LOXL2: variants seen among roughly 807,000 people sequenced by gnomAD.
LOXL2 encodes the protein lysyl oxidase like 2, also known as lysyl oxidase homolog 2.
Under a neutral mutation model 93.0 loss-of-function variants are expected in LOXL2, and 70 were observed. The ratio of observed to expected loss-of-function variants is 0.75; its 90% CI spans 0.62 to 0.92. The LOEUF is 0.92. Among genes scored for constraint, LOXL2 ranks in the 40% least tolerant of loss-of-function variants. LOXL2 has a pLI of 0.00. For missense variants in LOXL2, 973 were observed against 1,054.9 expected (o/e 0.92, Z 1.08); for synonymous variants, 438 against 413.2 (o/e 1.06, Z -0.73).
At chr8:23,304,171 G>A (rs920095577) in intron 10 of LOXL2, among the ~76,000 whole-genome samples, 1 of 152,270 alleles carries the variant, frequency 6.6e-6, no homozygotes, top group African/African-American at 2.4e-5. Flanking sequence ...TTCCAGAAAA[G>A]AGTTCTGCAG....
rs760822720 is a variant in LOXL2 at position 23,333,481 on chromosome 8, G to A, written c.886C>T (p.Pro296Ser). Residue 296 changes from proline to serine, a missense_variant, in exon 5 of 14, where the codon CCG becomes TCG. Coordinates refer to ENST00000389131, the MANE Select transcript of LOXL2 (RefSeq NM_002318.3). ...CCAGGCACACAACTCACCACGGCCG[G>A]TAGCCCATTCTCGCAGGTGACATTC... ...MKNVTCENGL[P>S]AVVSCVPGQV... 1.2e-6 allele frequency: 2 copies of A among 1,614,004 alleles called. No individual in the cohort carries two copies. The highest frequency in any genetic ancestry group is 1.6e-4 in the Middle Eastern group (1 of 6,062).
chr8:23,332,190 A>ACACACC (rs1190755792), intron 5 of LOXL2, among the ~76,000 whole-genome samples: 26 of 141,952 alleles, frequency 1.8e-4, no homozygotes, highest in Non-Finnish European at 2.6e-4. Flanking sequence ...ACACACACAC[A>ACACACC]CACCCCACAC....
At chr8:23,326,850 G>A (rs1311856143) in intron 6 of LOXL2, among the ~76,000 whole-genome samples, 4 of 152,212 alleles carry the variant, frequency 2.6e-5, no homozygotes, top group African/African-American at 9.7e-5. Context: ...GACTCAGAGT[G>A]CACCCCAGAC....
intron 2 of LOXL2, among the ~76,000 whole-genome samples, chr8:23,366,528 A>G (rs6557660): frequency 0.73 from 111,882 of 152,260 alleles, 42,124 homozygotes; most frequent in African/African-American, 0.89. Context: ...CACTTTGCAG[A>G]CTTCCAAAAG....
At chr8:23,355,201 TC>T (rs1487330380) in intron 3 of LOXL2, among the ~76,000 whole-genome samples, 1 of 151,800 alleles carries the variant, frequency 6.6e-6, no homozygotes, top group African/African-American at 2.4e-5. Flanking sequence ...TGCCTCGGCC[TC>T]CCAAAGTGCT....
intron 3 of LOXL2, among the ~76,000 whole-genome samples, chr8:23,354,588 C>CTGTGTGTGTGTGTGTGTG (rs35274565): frequency 0.023 from 3,534 of 150,866 alleles, 80 homozygotes; most frequent in East Asian, 0.092. Context: ...CATCCCTTCT[C>CTGTGTGTGTGTGTGTGTG]TGTGTGTGTG....
chr8:23,300,812 A>G (rs755861176), intron 12 of LOXL2, among the ~76,000 whole-genome samples: 1 of 152,248 alleles, frequency 6.6e-6, no homozygotes, highest in Non-Finnish European at 1.5e-5. Flanking sequence ...GGCACTGGCC[A>G]GAATACAGGG....
chr8:23,311,156 C>T (rs1329565513), intron 9 of LOXL2, among the ~76,000 whole-genome samples: 1 of 152,172 alleles, frequency 6.6e-6, no homozygotes, highest in Non-Finnish European at 1.5e-5. Flanking sequence ...TCTCCCTTCT[C>T]CCCCTCCCCC....
At chr8:23,367,039 G>T (rs527399529) in intron 2 of LOXL2, among the ~76,000 whole-genome samples, 4 of 152,150 alleles carry the variant, frequency 2.6e-5, no homozygotes, top group East Asian at 3.9e-4. Context: ...GCAATTTTTT[G>T]GGTTTTTGTT....
Position 23,368,410 on chromosome 8 carries a change from G to C in LOXL2, c.-59C>G, listed in dbSNP as rs549993136. On this transcript the variant is annotated 5_prime_UTR_variant, in exon 2 of 14. Coordinates refer to ENST00000389131, the MANE Select transcript of LOXL2 (RefSeq NM_002318.3). ...CCCTGCGCAGCTGGGAGGGACAGGC[G>C]GGGTACAGAAGCAGCAGGAGCTTTC... is the stretch of plus-strand genomic sequence containing the variant. 21 of 1,465,082 alleles carry C rather than the reference G, an allele frequency of 1.4e-5. No homozygotes were observed. Among genetic ancestry groups the C allele is most frequent in the Non-Finnish European group, 1.7e-5 (18 of 1,057,230 alleles). 90.8% of individuals were successfully genotyped at this position (1,465,082 alleles called of 1,614,324 possible). A position where few individuals can be genotyped will look rare whatever the true frequency, so the allele number is the denominator to read the frequency against.
intron 1 of LOXL2, among the ~76,000 whole-genome samples, chr8:23,383,165 C>G (rs901102457): frequency 1.3e-5 from 2 of 152,164 alleles, no homozygotes; most frequent in Non-Finnish European, 2.9e-5. Context: ...TCTCCACAAC[C>G]CTCCTCCTTG....
intron 1 of LOXL2, among the ~76,000 whole-genome samples, chr8:23,395,850 T>A (rs1241521349): frequency 6.6e-6 from 1 of 152,008 alleles, no homozygotes; most frequent in African/African-American, 2.4e-5. Flanking sequence ...ATTTTTGTAA[T>A]TTTAGTAGAG....
intron 3 of LOXL2, among the ~76,000 whole-genome samples, chr8:23,343,683 G>A (rs549603519): frequency 5.3e-5 from 8 of 152,326 alleles, no homozygotes; most frequent in South Asian, 4.1e-4. Context: ...ACTTGGCTCC[G>A]TTTCCTTTCC....
chr8:23,339,404 A>C (rs75630164), intron 4 of LOXL2, among the ~76,000 whole-genome samples: 3,086 of 152,142 alleles, frequency 0.02, 110 homozygotes, highest in East Asian at 0.13. Flanking sequence ...GCCACAGACG[A>C]GAGGGTGGGA....
chr8:23,388,620 TACTCACAC>T (rs1431613339), intron 1 of LOXL2, among the ~76,000 whole-genome samples: 68 of 70,686 alleles, frequency 9.6e-4, no homozygotes, highest in African/African-American at 3.0e-3. Context: ...GCAAAAAATA[TACTCACAC>T]ACACACACAC....
In LOXL2 at chr8:23,368,378, G is replaced by A. The variant is rs772681304; in HGVS notation, c.-27C>T. ...CCTGTCTTCGGGCTGATGATCCCAC[G>A]AAGGGGCCCTGCGCAGCTGGGAGGG... is the stretch of plus-strand genomic sequence containing the variant. On this transcript the variant is annotated 5_prime_UTR_variant, in exon 2 of 14. Transcript: ENST00000389131. 2.4e-5 allele frequency: 38 copies of A among 1,592,034 alleles called. No homozygotes were observed. The highest frequency in any genetic ancestry group is 5.0e-5 in the Admixed American group (3 of 59,930).
chr8:23,319,606 A>G (rs904087271), intron 8 of LOXL2, among the ~76,000 whole-genome samples: 4 of 152,136 alleles, frequency 2.6e-5, no homozygotes, highest in African/African-American at 9.7e-5. Flanking sequence ...GGTGAACCCC[A>G]GTGTGCAGAG....
chr8:23,392,519 C>A (rs1225105423), intron 1 of LOXL2, among the ~76,000 whole-genome samples: 1 of 152,196 alleles, frequency 6.6e-6, no homozygotes, highest in South Asian at 2.1e-4. Flanking sequence ...TGGTGCTGAT[C>A]ACATGCCTCT....
chr8:23,396,976 G>C (rs1221150590), intron 1 of LOXL2, among the ~76,000 whole-genome samples: 2 of 152,206 alleles, frequency 1.3e-5, no homozygotes, highest in Non-Finnish European at 2.9e-5. Context: ...CAGTGGAGGA[G>C]GAGATAAACA....
Sources: gnomAD v4.1 joint callset for allele counts (sites outside exome capture counted in the v4.1 genomes callset) on GRCh38, gnomAD v4.1.1 for gene constraint, MANE v1.5 for transcripts, NCBI Gene and HGNC (gene_info 2026-07-23, HGNC 2026-07-21) for gene names.